The following FDXACB1 variants were observed in gnomAD, a reference collection of about 807,000 sequenced individuals.
The protein encoded by FDXACB1 is ferredoxin-fold anticodon binding domain containing 1.
FDXACB1 carries 41 observed loss-of-function variants against 51.7 expected under a neutral mutation model. The observed-to-expected ratio is 0.79, with a 90% CI of 0.62 to 1.03. The LOEUF is 1.03. FDXACB1 is among the 50% of genes least tolerant of loss of function. FDXACB1 has a pLI of 0.00. For synonymous variants in FDXACB1, 273 were observed against 278.6 expected (o/e 0.98, Z 0.20); for missense variants, 697 against 746.4 (o/e 0.93, Z 0.77).
chr11:111,877,027 G>GAAAC lies in FDXACB1; in HGVS notation c.330-20_330-17dup, dbSNP rs1555162292. On this transcript the variant is annotated splice_polypyrimidine_tract_variant and intron_variant, in intron 2 of 4. Coordinates refer to ENST00000260257, the MANE Select transcript of FDXACB1 (RefSeq NM_138378.3). ...GTCTGCACAGCTAATAGGGAGAAAA[G>GAAAC]AAACACTAACTAATTATCATAAACA... 1.3e-6 allele frequency: 2 copies of GAAAC among 1,558,660 alleles called. No homozygotes were observed. Among genetic ancestry groups the GAAAC allele is most frequent in the East Asian group, 2.4e-5 (1 of 41,954 alleles).
chr11:111,877,705 C>T (rs1342835420), intron 2 of FDXACB1, among the ~76,000 whole-genome samples: 2 of 151,106 alleles, frequency 1.3e-5, no homozygotes, highest in African/African-American at 4.8e-5. Context: ...TTAGTAGAGG[C>T]GGGGTTTTGC....
chr11:111,876,661 T>A, intron 3 of FDXACB1, 22 bp from the exon 4 acceptor site: 1 of 1,606,912 alleles, frequency 6.2e-7, no homozygotes, highest in Non-Finnish European at 8.5e-7. Context: ...GACACCAATA[T>A]GAAGTCTGTC....
In FDXACB1 at chr11:111,874,859, T is replaced by C. The variant is rs1709127293; in HGVS notation, c.*63A>G. The C allele has an allele frequency of 2.8e-6, 4 of 1,442,502 alleles. No individual in the cohort carries two copies. The highest frequency in any genetic ancestry group is 1.4e-5 in the African/African-American group (1 of 71,034). The allele number at this position is 1,442,502 out of a possible 1,614,324, so 89.4% of individuals were successfully genotyped here. On this transcript the variant is annotated 3_prime_UTR_variant, in exon 5 of 5. Transcript: ENST00000260257. ...TCCAGAAAGGACTACTGGTTGCAAG[T>C]TGGTAATTTTCCTCCACATCCCCCG...
At position 111,874,760 on chromosome 11, in the gene FDXACB1, CAA is replaced by C. The variant is rs535629792; in HGVS notation, c.*160_*161del. 0.062 allele frequency: 26,290 copies of C among 426,512 alleles called. No individual in the cohort carries two copies. Among genetic ancestry groups the C allele is most frequent in the South Asian group, 0.074 (2,721 of 36,886 alleles). 26.4% of individuals were successfully genotyped at this position (426,512 alleles called of 1,614,324 possible). On this transcript the variant is annotated 3_prime_UTR_variant, in exon 5 of 5. Coordinates refer to ENST00000260257, the MANE Select transcript of FDXACB1 (RefSeq NM_138378.3). ...TGGGCGGCAGAGCAAGACTCCGTCT[CAA>C]AAAAAAAAAAAAAAAAAGATCAACG...
chr11:111,877,962 C>A (rs1964853931), intron 2 of FDXACB1, among the ~76,000 whole-genome samples: 1 of 151,798 alleles, frequency 6.6e-6, no homozygotes, highest in Admixed American at 6.6e-5. Flanking sequence ...CCAAGGCAGG[C>A]GGATCACAAG....
chr11:111,877,072 G>T, intron 2 of FDXACB1, 61 bp from the exon 3 acceptor site: 1 of 1,488,120 alleles, frequency 6.7e-7, no homozygotes, highest in Non-Finnish European at 9.1e-7. Flanking sequence ...TACCACAGGA[G>T]TTGGCAACAT....
chr11:111,874,702 C>A lies in FDXACB1; in HGVS notation c.*220G>T. The A allele has an allele frequency of 1.9e-6, 1 of 517,646 alleles. No individual in the cohort carries two copies. The highest frequency in any genetic ancestry group is 3.4e-6 in the Non-Finnish European group (1 of 292,422). The allele number at this position is 517,646 out of a possible 1,614,324, so 32.1% of individuals were successfully genotyped here. A position where few individuals can be genotyped will look rare whatever the true frequency, so the allele number is the denominator to read the frequency against. Reference sequence around the variant, plus strand: ...CCTGGGAGGTGGAGCTTATAGTGAGCTGATATCATGCCACTGCCACTGCAC... The same window carrying A: ...CCTGGGAGGTGGAGCTTATAGTGAGATGATATCATGCCACTGCCACTGCAC... On this transcript the variant is annotated 3_prime_UTR_variant, in exon 5 of 5. Coordinates refer to ENST00000260257, the MANE Select transcript of FDXACB1 (RefSeq NM_138378.3).
rs1555162095 is a variant in FDXACB1, at chr11:111,876,001, A to G, written c.796T>C (p.Tyr266His). The G allele has an allele frequency of 1.9e-6, 3 of 1,613,906 alleles. No individual in the cohort carries two copies. The highest frequency in any genetic ancestry group is 1.3e-5 in the African/African-American group (1 of 74,942). ...VFPLKRLKCS[Y>H]PLLPQEGTSV... ...GTACCTTCCTGTGGCAGCAAAGGGT[A>G]GGAACACTTCAGCCTTTTTAGCGGG... The change falls in exon 5 of 5, where the codon TAC (tyrosine) becomes CAC (histidine). Residue 266 changes from tyrosine (Y) to histidine (H), a missense_variant. Transcript: ENST00000260257.
chr11:111,879,019 C>CG lies in FDXACB1; in HGVS notation c.113dup (p.Ala39GlyfsTer37). On this transcript the variant is annotated frameshift_variant, in exon 1 of 5. Coordinates refer to ENST00000260257, the MANE Select transcript of FDXACB1 (RefSeq NM_138378.3). LOFTEE classifies it high-confidence loss of function. ...CCAGTGGATCCCGAGCCAACTCGGCCGGGCGCTGGAGGCAGGTGGCGGTAA... is the reference window on the plus strand; with the variant it reads ...CCAGTGGATCCCGAGCCAACTCGGCCGGGGCGCTGGAGGCAGGTGGCGGTAA... 7.4e-6 allele frequency: 12 copies of CG among 1,613,344 alleles called. No homozygotes were observed. Among genetic ancestry groups the CG allele is most frequent in the Non-Finnish European group, 1.0e-5 (12 of 1,179,716 alleles).
At position 111,874,761 on chromosome 11, in the gene FDXACB1, A is replaced by T; in HGVS notation, c.*161T>A. ...GGGCGGCAGAGCAAGACTCCGTCTC[A>T]AAAAAAAAAAAAAAAAAAGATCAAC... On this transcript the variant is annotated 3_prime_UTR_variant, in exon 5 of 5. Coordinates refer to ENST00000260257, the MANE Select transcript of FDXACB1 (RefSeq NM_138378.3). 7.6e-6 allele frequency: 1 copy of T among 130,764 alleles called. No homozygotes were observed. The allele number at this position is 130,764 out of a possible 1,614,324, so 8.1% of individuals were successfully genotyped here.
chr11:111,878,501 A>G (rs1320878710), intron 2 of FDXACB1, 55 bp downstream of exon 2: 5 of 1,505,850 alleles, frequency 3.3e-6, no homozygotes, highest in Non-Finnish European at 4.5e-6. Context: ...TGGGTACAGT[A>G]ACTATGTTAT....
chr11:111,877,156 T>C, intron 2 of FDXACB1, 145 bp from the exon 3 acceptor site: 4 of 785,108 alleles, frequency 5.1e-6, no homozygotes, highest in Non-Finnish European at 7.9e-6. Flanking sequence ...CCTCAAAAAA[T>C]GCAAAGAAAG....
chr11:111,878,872 A>G (rs930980371), intron 1 of FDXACB1, 89 bp downstream of exon 1: 1 of 1,529,684 alleles, frequency 6.5e-7, no homozygotes, highest in African/African-American at 1.4e-5. Flanking sequence ...AACAATCTCC[A>G]CGTGGGTTAC....
intron 2 of FDXACB1, 37 bp from the exon 3 acceptor site, chr11:111,877,048 A>T: frequency 6.5e-7 from 1 of 1,539,836 alleles, no homozygotes; most frequent in Non-Finnish European, 8.8e-7. Flanking sequence ...TAATTATCAT[A>T]AACAAGCAGA....
At chr11:111,877,138 C>T (rs76948993) in intron 2 of FDXACB1, 127 bp from the exon 3 acceptor site, 14,278 of 902,398 alleles carry the variant, frequency 0.016, 163 homozygotes, top group Middle Eastern at 0.054. Flanking sequence ...GTGCAAAAAT[C>T]TATTAGACCT....
Position 111,874,285 on chromosome 11 carries a change from G to A in FDXACB1, c.*637C>T, listed in dbSNP as rs903037870. 2 of 152,178 alleles carry A rather than the reference G, an allele frequency of 1.3e-5. No individual in the cohort carries two copies. The highest frequency in any genetic ancestry group is 2.4e-5 in the African/African-American group (1 of 41,424). 9.4% of individuals were successfully genotyped at this position (152,178 alleles called of 1,614,324 possible). On this transcript the variant is annotated 3_prime_UTR_variant, in exon 5 of 5. Coordinates refer to ENST00000260257, the MANE Select transcript of FDXACB1 (RefSeq NM_138378.3). ...TGTGGAAAACATATTTATATTTGAT[G>A]AGACACTTAAGTTCTACTGCCTGTT... is the stretch of plus-strand genomic sequence containing the variant.
In FDXACB1 at chr11:111,875,949, T is replaced by G; in HGVS notation, c.848A>C (p.Asp283Ala). 2 of 1,613,910 alleles carry G rather than the reference T, an allele frequency of 1.2e-6. No homozygotes were observed. The highest frequency in any genetic ancestry group is 8.5e-7 in the Non-Finnish European group (1 of 1,179,876). ...GTSVLPFWNCDFLSAAFWISL... is the reference protein window; with the variant it reads ...GTSVLPFWNCAFLSAAFWISL... ...AATCCAAAAAGCAGCTGACAGAAAG[T>G]CACAATTCCAGAAAGGAAGAACACT... The change falls in exon 5 of 5, where the codon GAC becomes GCC. Residue 283 changes from aspartate to alanine, a missense_variant. Asp to Ala is a moderately radical substitution (Grantham distance 126, BLOSUM62 -2). Transcript: ENST00000260257.
intron 2 of FDXACB1, among the ~76,000 whole-genome samples, chr11:111,877,295 TC>T (rs1249446218): frequency 6.6e-5 from 10 of 152,204 alleles, no homozygotes; most frequent in African/African-American, 2.4e-4. Flanking sequence ...TCTGCACAGT[TC>T]CTATATATGA....
intron 2 of FDXACB1, among the ~76,000 whole-genome samples, chr11:111,877,881 A>G (rs1340835075): frequency 6.6e-6 from 1 of 151,676 alleles, no homozygotes; most frequent in Admixed American, 6.6e-5. Flanking sequence ...AAGATTAAGT[A>G]AGCTTGCTTA....
Sources: allele counts gnomAD v4.1 joint callset (sites outside exome capture counted in the v4.1 genomes callset), GRCh38; gene constraint gnomAD v4.1.1; transcripts MANE v1.5; gene names NCBI Gene and HGNC (gene_info 2026-07-23, HGNC 2026-07-21).